The following AKR1E2 variants were observed in gnomAD, a reference collection of about 807,000 sequenced individuals.
AKR1E2 encodes aldo-keto reductase family 1 member E2.
A neutral mutation model predicts 41.9 loss-of-function variants in AKR1E2; 43 were observed. The observed-to-expected ratio is 1.03, with a 90% confidence interval of 0.80 to 1.32. AKR1E2 has a LOEUF of 1.32. Among genes scored for constraint, AKR1E2 ranks in the 40% most tolerant of loss-of-function variants. The pLI is 0.00. For missense variants in AKR1E2, 423 were observed against 396.5 expected (o/e 1.07, Z -0.57); for synonymous variants, 121 against 138.9 (o/e 0.87, Z 0.91).
the AKR1E2 span, among the ~76,000 whole-genome samples, chr10:4,862,108 T>C: frequency 6.6e-6 from 1 of 152,238 alleles, no homozygotes; most frequent in Non-Finnish European, 1.5e-5. Context: ...AGTTTTTGTA[T>C]AAGGTGTAAG....
chr10:4,847,247 CT>C lies in AKR1E2; in HGVS notation c.920+22del. The C allele has an allele frequency of 6.2e-7, 1 of 1,613,606 alleles. No individual in the cohort carries two copies. The highest frequency in any genetic ancestry group is 2.2e-5 in the East Asian group (1 of 44,868). On this transcript the variant is annotated intron_variant, in intron 9 of 9. Transcript: ENST00000298375. ...GTTCCCCATGTAAATATGGCTCCTT[CT>C]TTTTAAAACAGAGGGAAGAATATAC...
At chr10:4,834,699 G>A (rs1833263616) in intron 3 of AKR1E2, among the ~76,000 whole-genome samples, 1 of 152,212 alleles carries the variant, frequency 6.6e-6, no homozygotes, top group South Asian at 2.1e-4. Flanking sequence ...CATATGCTCA[G>A]GTCAGACATT....
chr10:4,846,839 C>A (rs1021617265), intron 8 of AKR1E2, among the ~76,000 whole-genome samples: 3 of 152,192 alleles, frequency 2.0e-5, no homozygotes, highest in Non-Finnish European at 2.9e-5. Context: ...CCACCGCGCC[C>A]AGCCGCTATA....
At chr10:4,864,792 A>G in the AKR1E2 span, among the ~76,000 whole-genome samples, 1 of 152,254 alleles carries the variant, frequency 6.6e-6, no homozygotes, top group Admixed American at 6.5e-5. Flanking sequence ...TGCAAAAATC[A>G]CAAGCATTCT....
At chr10:4,842,548 G>T (rs1464026728) in intron 8 of AKR1E2, 44 bp downstream of exon 8, 3 of 1,569,972 alleles carry the variant, frequency 1.9e-6, no homozygotes, top group Non-Finnish European at 2.6e-6. Flanking sequence ...CAGATCATGT[G>T]TTAGATGGGA....
chr10:4,826,249 C>A lies in AKR1E2; in HGVS notation c.-76C>A. Reference sequence around the variant, plus strand: ...GCCAGTCGCAACGGCGGGTCGCCAGCGCCGCAGTAGCTCGCGCGGTGCCTG... The same window carrying A: ...GCCAGTCGCAACGGCGGGTCGCCAGAGCCGCAGTAGCTCGCGCGGTGCCTG... On this transcript the variant is annotated 5_prime_UTR_variant, in exon 1 of 10. Transcript: ENST00000298375. 2 of 1,169,568 alleles carry A rather than the reference C, an allele frequency of 1.7e-6. No homozygotes were observed. The highest frequency in any genetic ancestry group is 2.1e-6 in the Non-Finnish European group (2 of 930,522). 72.4% of individuals were successfully genotyped at this position (1,169,568 alleles called of 1,614,324 possible). A position where few individuals can be genotyped will look rare whatever the true frequency, so the allele number is the denominator to read the frequency against.
At position 4,826,303 on chromosome 10, in the gene AKR1E2, G is replaced by T; in HGVS notation, c.-22G>T. 1 of 1,232,460 alleles carries T rather than the reference G, an allele frequency of 8.1e-7. No homozygotes were observed. The allele number at this position is 1,232,460 out of a possible 1,614,324, so 76.3% of individuals were successfully genotyped here. ...GTAGTCGCGTGCGGGGCGGCGGGGC[G>T]GCGGGGCGGCCGGCGGCGGCCATGG... On this transcript the variant is annotated 5_prime_UTR_variant, in exon 1 of 10. Coordinates refer to ENST00000298375, the MANE Select transcript of AKR1E2 (RefSeq NM_001040177.3).
At position 4,847,236 on chromosome 10, in the gene AKR1E2, T is replaced by C. The variant is rs201413915; in HGVS notation, c.920+6T>C. 23 of 1,613,862 alleles carry C rather than the reference T, an allele frequency of 1.4e-5. No individual in the cohort carries two copies. The African/African-American group carries it at 2.1e-4, about 15-fold the overall frequency. On this transcript the variant is annotated splice_donor_region_variant and intron_variant, in intron 9 of 9. Transcript: ENST00000298375. ...CGACTGGCCATGTTCCCCATGTAAATATGGCTCCTTCTTTTTAAAACAGAG... is the reference window on the plus strand; with the variant it reads ...CGACTGGCCATGTTCCCCATGTAAACATGGCTCCTTCTTTTTAAAACAGAG...
intron 3 of AKR1E2, among the ~76,000 whole-genome samples, 170 bp from the exon 4 acceptor site, chr10:4,835,505 C>T (rs1833328598): frequency 6.6e-6 from 1 of 152,192 alleles, no homozygotes; most frequent in African/African-American, 2.4e-5. Flanking sequence ...GCCATCCAGT[C>T]CACCAGCCAT....
chr10:4,868,524 T>G, the AKR1E2 span, among the ~76,000 whole-genome samples: 1 of 152,204 alleles, frequency 6.6e-6, no homozygotes, highest in South Asian at 2.1e-4. Context: ...AACAGTTTTC[T>G]TTCTTGTGAT....
the AKR1E2 span, among the ~76,000 whole-genome samples, chr10:4,873,162 A>G: frequency 3.3e-5 from 5 of 152,128 alleles, no homozygotes; most frequent in Admixed American, 3.3e-4. Flanking sequence ...TGTGATAGTG[A>G]ATGAGTCTCA....
At chr10:4,860,942 T>C in the AKR1E2 span, among the ~76,000 whole-genome samples, 1 of 152,342 alleles carries the variant, frequency 6.6e-6, no homozygotes, top group African/African-American at 2.4e-5. Context: ...ATAGGGGAAG[T>C]CCGTCTTTGG....
At chr10:4,826,084 G>A (rs887869560), upstream of AKR1E2, 1 of 393,572 alleles carries the variant, frequency 2.5e-6, no homozygotes, top group East Asian at 3.6e-5. Context: ...CTGGCTCTGC[G>A]CCTCCAGCCA....
downstream of AKR1E2, among the ~76,000 whole-genome samples, chr10:4,850,879 C>T (rs1349570824): frequency 6.6e-6 from 1 of 152,182 alleles, no homozygotes; most frequent in African/African-American, 2.4e-5. Context: ...CATTTTAGCA[C>T]GTTTATTTCT....
At chr10:4,835,986 G>A (rs1833383266) in intron 4 of AKR1E2, among the ~76,000 whole-genome samples, 177 bp downstream of exon 4, 1 of 152,164 alleles carries the variant, frequency 6.6e-6, no homozygotes, top group South Asian at 2.1e-4. Context: ...TGACTTTCTT[G>A]TTACCTTTGG....
chr10:4,855,405 C>T, the AKR1E2 span, among the ~76,000 whole-genome samples: 39,227 of 151,976 alleles, frequency 0.26, 5,263 homozygotes, highest in Middle Eastern at 0.37. Context: ...TCAAGATGGC[C>T]AAGCAGACGT....
chr10:4,837,352 A>T, intron 4 of AKR1E2, 107 bp from the exon 5 acceptor site: 2 of 1,422,254 alleles, frequency 1.4e-6, no homozygotes, highest in Non-Finnish European at 1.9e-6. Context: ...TATTGTAAAA[A>T]TATTGGGTCC....
At chr10:4,855,782 T>C in the AKR1E2 span, among the ~76,000 whole-genome samples, 2 of 152,236 alleles carry the variant, frequency 1.3e-5, no homozygotes, top group Non-Finnish European at 2.9e-5. Context: ...TTAAAGATTA[T>C]TGGTAAAATA....
Position 4,835,730 on chromosome 10 carries a change from A to T in AKR1E2, c.380A>T (p.His127Leu). The T allele has an allele frequency of 6.2e-7, 1 of 1,614,144 alleles. No homozygotes were observed. The highest frequency in any genetic ancestry group is 8.5e-7 in the Non-Finnish European group (1 of 1,180,030). The change falls in exon 4 of 10, where the codon CAT (histidine) becomes CTT (leucine). Residue 127 changes from histidine to leucine, a missense_variant. His to Leu is a moderately conservative substitution (Grantham distance 99). Coordinates refer to ENST00000298375, the MANE Select transcript of AKR1E2 (RefSeq NM_001040177.3). ...SCSELSFCLS[H>L]PRVQDLPLDE... is the part of the protein sequence containing the mutation. Reference sequence around the variant, plus strand: ...AGTGAACTTTCCTTCTGCCTCTCACATCCTCGAGTGCAGGACTTGCCTCTG... The same window carrying T: ...AGTGAACTTTCCTTCTGCCTCTCACTTCCTCGAGTGCAGGACTTGCCTCTG...
Sources: allele counts gnomAD v4.1 joint callset (sites outside exome capture counted in the v4.1 genomes callset), GRCh38; gene constraint gnomAD v4.1.1; transcripts MANE v1.5; gene names NCBI Gene and HGNC (gene_info 2026-07-23, HGNC 2026-07-21).